Variants in WHRN observed in about 807,000 individuals in gnomAD.
WHRN encodes whirlin, also known as CASK-interacting protein CIP98.
WHRN carries 41 observed loss-of-function variants against 68.3 expected under a neutral mutation model. That is an observed-to-expected ratio of 0.60 (90% CI 0.47 to 0.78). WHRN has a LOEUF of 0.78. WHRN is among the 30% of genes least tolerant of loss of function. The pLI is 0.00. For synonymous variants in WHRN, 560 were observed against 561.3 expected (o/e 1.00, Z 0.03); for missense variants, 1,243 against 1,244.7 (o/e 1.00, Z 0.02).
intron 3 of WHRN, among the ~76,000 whole-genome samples, chr9:114,460,813 C>A (rs1363681224): frequency 6.6e-6 from 1 of 152,250 alleles, no homozygotes; most frequent in East Asian, 1.9e-4. Context: ...GGAAGCTCTG[C>A]ACAGCAGCAA....
chr9:114,503,768 A>T (rs1844140071), intron 1 of WHRN: 2 of 227,804 alleles, frequency 8.8e-6, no homozygotes, highest in Non-Finnish European at 8.7e-6. Flanking sequence ...CAGGCCACTT[A>T]AGAGCTAACA....
rs554064841 is a variant in WHRN, at chr9:114,466,538, T to G, written c.838-146A>C. 21 of 1,180,540 alleles carry G rather than the reference T, an allele frequency of 1.8e-5. No homozygotes were observed. The Admixed American group carries it at 4.0e-4, about 22-fold the overall frequency. The allele number at this position is 1,180,540 out of a possible 1,614,324, so 73.1% of individuals were successfully genotyped here. On this transcript the variant is annotated intron_variant, in intron 2 of 11. Coordinates refer to ENST00000362057, the MANE Select transcript of WHRN (RefSeq NM_015404.4). ...CCAGGCCAAGGCCTGGAAGATACCC[T>G]AGAACATTCCAGTTCCTGCCCCAGC...
chr9:114,459,788 T>A (rs1008831803), intron 3 of WHRN, among the ~76,000 whole-genome samples: 4 of 152,224 alleles, frequency 2.6e-5, no homozygotes, highest in Admixed American at 6.5e-5. Flanking sequence ...AGGACTGCCA[T>A]AAAATCAGCC....
chr9:114,504,276 G>T lies in WHRN; in HGVS notation c.526C>A (p.Leu176Ile). ...ACCCGCAGTCCTTCCTTCTCAGCTA[G>T]AGAGCCTGGTTCCACCAGAGACACG... ...IYVSLVEPGSLAEKEGLRVGD... is the reference protein window; with the variant it reads ...IYVSLVEPGSIAEKEGLRVGD... Residue 176 changes from leucine (L) to isoleucine (I), a missense_variant, in exon 1 of 12, where the codon CTA becomes ATA. Leu to Ile is a conservative substitution (Grantham distance 5). Transcript: ENST00000362057. 6.2e-7 allele frequency: 1 copy of T among 1,614,064 alleles called. No individual in the cohort carries two copies. The highest frequency in any genetic ancestry group is 2.2e-5 in the East Asian group (1 of 44,884).
At chr9:114,478,065 C>T (rs1270648316) in intron 2 of WHRN, among the ~76,000 whole-genome samples, 2 of 152,034 alleles carry the variant, frequency 1.3e-5, no homozygotes, top group Non-Finnish European at 1.5e-5. Context: ...GCAGAACTGT[C>T]CCCCAGATGA....
intron 3 of WHRN, among the ~76,000 whole-genome samples, chr9:114,444,795 A>AT (rs1838678812): frequency 1.3e-5 from 2 of 150,298 alleles, no homozygotes; most frequent in Admixed American, 1.3e-4. Flanking sequence ...CTATATATAT[A>AT]ATATATATAT....
At chr9:114,453,886 C>G (rs1053623152) in intron 3 of WHRN, among the ~76,000 whole-genome samples, 1 of 152,130 alleles carries the variant, frequency 6.6e-6, no homozygotes, top group African/African-American at 2.4e-5. Context: ...GACCACTATC[C>G]TTCATGAACA....
chr9:114,492,641 A>C (rs922951721), intron 1 of WHRN, among the ~76,000 whole-genome samples: 1 of 152,158 alleles, frequency 6.6e-6, no homozygotes, highest in African/African-American at 2.4e-5. Flanking sequence ...TACAATTATT[A>C]CTGACTTGGG....
At chr9:114,458,395 T>C (rs1839980277) in intron 3 of WHRN, among the ~76,000 whole-genome samples, 2 of 152,240 alleles carry the variant, frequency 1.3e-5, no homozygotes, top group African/African-American at 4.8e-5. Context: ...CACAAAAATG[T>C]AGCAAATGTG....
chr9:114,478,225 T>G, intron 2 of WHRN: 1 of 631,638 alleles, frequency 1.6e-6, no homozygotes, highest in Non-Finnish European at 2.9e-6. Flanking sequence ...GAGGCAGAGG[T>G]TGCAGCGAGC....
chr9:114,447,210 C>T (rs2132659257), intron 3 of WHRN, among the ~76,000 whole-genome samples: 1 of 152,308 alleles, frequency 6.6e-6, no homozygotes, highest in East Asian at 1.9e-4. Flanking sequence ...CCACAACCAG[C>T]CCCCCTCACC....
intron 1 of WHRN, among the ~76,000 whole-genome samples, chr9:114,485,946 C>T (rs1008815611): frequency 2.6e-5 from 4 of 151,902 alleles, no homozygotes; most frequent in African/African-American, 4.8e-5. Flanking sequence ...CCCAAAAGAT[C>T]GAGACTACGG....
Position 114,505,200 on chromosome 9 carries a change from T to G in WHRN, c.-399A>C. ...GGGGGCGCCGCAAAGCTGACCTGAC[T>G]GCCCCGTCACACCATGCCCGGGGCT... is the stretch of plus-strand genomic sequence containing the variant. On this transcript the variant is annotated 5_prime_UTR_variant, in exon 1 of 12. Coordinates refer to ENST00000362057, the MANE Select transcript of WHRN (RefSeq NM_015404.4). The G allele has an allele frequency of 5.7e-6, 1 of 175,264 alleles. No homozygotes were observed. The highest frequency in any genetic ancestry group is 1.6e-4 in the East Asian group (1 of 6,142). 10.9% of individuals were successfully genotyped at this position (175,264 alleles called of 1,614,324 possible). A position where few individuals can be genotyped will look rare whatever the true frequency, so the allele number is the denominator to read the frequency against.
rs78462513 is a variant in WHRN at position 114,418,979 on chromosome 9, A to G, written c.1626+4335T>C. Among the ~76,000 whole-genome samples, 926 of 152,338 alleles carry G rather than the reference A, an allele frequency of 6.1e-3. 8 individuals carry two copies. Among genetic ancestry groups the G allele is most frequent in the African/African-American group, 0.021 (889 of 41,576 alleles). On this transcript the variant is annotated intron_variant, in intron 7 of 11. Coordinates refer to ENST00000362057, the MANE Select transcript of WHRN (RefSeq NM_015404.4). ...ATCCCCAGAACCTCAAAATGTACAT[A>G]GCACACAGTAAATGCTCAATATTTG...
At chr9:114,438,445 CTTT>C (rs1158051217) in intron 3 of WHRN, among the ~76,000 whole-genome samples, 1 of 147,690 alleles carries the variant, frequency 6.8e-6, no homozygotes, top group Non-Finnish European at 1.5e-5. Context: ...ATCCCACTTT[CTTT>C]TTTTTCTTTT....
At chr9:114,470,751 C>T (rs76537552) in intron 2 of WHRN, among the ~76,000 whole-genome samples, 1 of 152,126 alleles carries the variant, frequency 6.6e-6, no homozygotes, top group Admixed American at 6.5e-5. Flanking sequence ...ACAAGCCAGG[C>T]CCGGCCTGGG....
chr9:114,484,768 T>C (rs2133211542), intron 1 of WHRN, among the ~76,000 whole-genome samples: 1 of 152,338 alleles, frequency 6.6e-6, no homozygotes, highest in South Asian at 2.1e-4. Flanking sequence ...AAATTATATG[T>C]GTATGTCTTC....
intron 3 of WHRN, among the ~76,000 whole-genome samples, chr9:114,439,034 C>T (rs534093142): frequency 7.2e-5 from 11 of 152,026 alleles, no homozygotes; most frequent in South Asian, 2.1e-4. Flanking sequence ...CTATAGCATG[C>T]TATCTTTTAT....
chr9:114,403,121 C>G, intron 11 of WHRN, 96 bp downstream of exon 11: 1 of 1,578,062 alleles, frequency 6.3e-7, no homozygotes, highest in Non-Finnish European at 8.7e-7. Flanking sequence ...CCCTTGAGTG[C>G]CGTGTTACCC....
Sources: gnomAD v4.1 joint callset for allele counts (sites outside exome capture counted in the v4.1 genomes callset) on GRCh38, gnomAD v4.1.1 for gene constraint, MANE v1.5 for transcripts, NCBI Gene and HGNC (gene_info 2026-07-23, HGNC 2026-07-21) for gene names.